RBFOX3: variants seen among roughly 807,000 people sequenced by gnomAD.
RBFOX3 encodes the protein RNA binding fox-1 homolog 3, also known as RNA binding protein fox-1 homolog 3.
In RBFOX3, 17 loss-of-function variants were observed where a neutral mutation model predicts 48.7. The observed-to-expected ratio is 0.35, with a 90% CI of 0.24 to 0.52. RBFOX3 has a LOEUF of 0.52. RBFOX3 is among the 20% of genes least tolerant of loss of function. The probability of loss-of-function intolerance (pLI) is 0.94; values close to 1 mark genes in which losing one functional copy is unlikely to be tolerated. For synonymous variants in RBFOX3, 212 were observed against 209.5 expected, an observed-to-expected ratio of 1.01 and a Z score of -0.10; for missense variants, 382 against 497.5, an observed-to-expected ratio of 0.77 and a Z score of 2.21.
At chr17:79,659,326 AC>A in the RBFOX3 span, among the ~76,000 whole-genome samples, 1,672 of 152,338 alleles carry the variant, frequency 0.011, 35 homozygotes, top group African/African-American at 0.039. Flanking sequence ...AGGATGATGT[AC>A]CAGAGGGTAT....
chr17:79,250,254 A>G (rs183406710), intron 3 of RBFOX3, among the ~76,000 whole-genome samples: 4 of 152,326 alleles, frequency 2.6e-5, no homozygotes, highest in South Asian at 2.1e-4. Flanking sequence ...TCCATCTGCA[A>G]CTAACCCACA....
At chr17:79,264,761 T>G (rs1194385476) in intron 3 of RBFOX3, among the ~76,000 whole-genome samples, 1 of 152,162 alleles carries the variant, frequency 6.6e-6, no homozygotes, top group Non-Finnish European at 1.5e-5. Context: ...CTGTGATTGG[T>G]GGGTCCTGTG....
At position 79,103,317 on chromosome 17, in the gene RBFOX3, G is replaced by A. The variant is rs1452035364; in HGVS notation, c.415-63C>T. ...GAGGACACAGGGCGAGAAAGAGGAG[G>A]AAGACGAGGAAGAAGAGGAGTGGGA... On this transcript the variant is annotated intron_variant, in intron 7 of 14. Transcript: ENST00000693108. The surrounding 1 kb of genome is among the most constrained non-coding windows in gnomAD (Gnocchi z 6.1). The A allele has an allele frequency of 1.8e-6, 2 of 1,089,718 alleles. No individual in the cohort carries two copies. Among genetic ancestry groups the A allele is most frequent in the African/African-American group, 1.6e-5 (1 of 63,726 alleles). 67.5% of individuals were successfully genotyped at this position (1,089,718 alleles called of 1,614,324 possible).
chr17:79,394,701 C>A (rs1274248341), intron 2 of RBFOX3, among the ~76,000 whole-genome samples: 4 of 152,250 alleles, frequency 2.6e-5, no homozygotes, highest in Non-Finnish European at 4.4e-5. Flanking sequence ...TTATCCAAGT[C>A]TCTTTGCACA....
chr17:79,463,698 T>TC (rs1568296425), intron 2 of RBFOX3, among the ~76,000 whole-genome samples: 2 of 111,838 alleles, frequency 1.8e-5, no homozygotes, highest in East Asian at 3.1e-4. Context: ...GCCACTGCCA[T>TC]CACCACTGCC....
At chr17:79,328,152 C>T (rs1158559332) in intron 2 of RBFOX3, among the ~76,000 whole-genome samples, 3 of 152,194 alleles carry the variant, frequency 2.0e-5, no homozygotes, top group Non-Finnish European at 4.4e-5. Flanking sequence ...GGTGCAAACA[C>T]GGGCAGGACT....
At chr17:79,257,496 T>G (rs374014919) in intron 3 of RBFOX3, among the ~76,000 whole-genome samples, 86 of 152,334 alleles carry the variant, frequency 5.6e-4, no homozygotes, top group African/African-American at 2.0e-3. Context: ...ACCAGGAAGC[T>G]GCTCACCTAC....
intron 3 of RBFOX3, among the ~76,000 whole-genome samples, chr17:79,276,354 G>A (rs1055220347): frequency 6.6e-6 from 1 of 152,204 alleles, no homozygotes; most frequent in African/African-American, 2.4e-5. Context: ...TGAATGGCTT[G>A]TGAATTGTTA....
In RBFOX3 at chr17:79,170,381, G is replaced by T. The variant is rs777554505; in HGVS notation, c.-33-54633C>A. On this transcript the variant is annotated intron_variant, in intron 4 of 14. Transcript: ENST00000693108. ...TGGACCTGAGAGTCCCCTGCCAGGGGCCTGCAGCCCAGCCTGGAGCCTGAG... is the reference window on the plus strand; with the variant it reads ...TGGACCTGAGAGTCCCCTGCCAGGGTCCTGCAGCCCAGCCTGGAGCCTGAG... Among the ~76,000 whole-genome samples, 3 of 152,144 alleles carry T rather than the reference G, an allele frequency of 2.0e-5. No individual in the cohort carries two copies. In the East Asian group the frequency reaches 5.8e-4, roughly 29 times the overall value.
intron 1 of RBFOX3, among the ~76,000 whole-genome samples, chr17:79,585,251 A>G (rs2093210737): frequency 6.6e-6 from 1 of 152,174 alleles, no homozygotes; most frequent in Non-Finnish European, 1.5e-5. Flanking sequence ...GAATAAAAAA[A>G]TTAAACAATT....
rs1287634035 is a variant in RBFOX3 at position 79,468,560 on chromosome 17, A to G, written c.-175+13894T>C. ...AGCAGATAGGCAGGCAGGCAGGCAG[A>G]CAGACAGGAGGATGGATGAATGAAT... On this transcript the variant is annotated intron_variant, in intron 2 of 14. Coordinates refer to ENST00000693108, the MANE Select transcript of RBFOX3 (RefSeq NM_001350451.2). 2.7e-5 allele frequency among the ~76,000 whole-genome samples: 4 copies of G among 150,748 alleles called. No individual in the cohort carries two copies. In the South Asian group the frequency reaches 6.3e-4, roughly 24 times the overall value.
chr17:79,341,808 T>C (rs8073602), intron 2 of RBFOX3, among the ~76,000 whole-genome samples: 91,961 of 152,130 alleles, frequency 0.6, 27,811 homozygotes, highest in Middle Eastern at 0.66. Flanking sequence ...TCATAAACCA[T>C]GTGCCCCTGC....
At chr17:79,601,126 C>G (rs1156316010) in intron 1 of RBFOX3, 1 of 152,286 alleles carries the variant, frequency 6.6e-6, no homozygotes, top group Non-Finnish European at 1.5e-5. Flanking sequence ...GCTGGGGCGT[C>G]TACACACCTC....
rs143746993 is a variant in RBFOX3, at chr17:79,137,056, C to T, written c.-33-21308G>A. 1.3e-3 allele frequency among the ~76,000 whole-genome samples: 205 copies of T among 152,268 alleles called. 1 individual carries two copies. Among genetic ancestry groups the T allele is most frequent in the Admixed American group, 4.7e-3 (72 of 15,308 alleles). On this transcript the variant is annotated intron_variant, in intron 4 of 14. Coordinates refer to ENST00000693108, the MANE Select transcript of RBFOX3 (RefSeq NM_001350451.2). ...ACTCCCAGAGGTCCAGGCCCTCCTC[C>T]GGCTCGAGATCTTCCCTTCACCAGA...
intron 2 of RBFOX3, among the ~76,000 whole-genome samples, chr17:79,461,607 C>T (rs2075378903): frequency 6.6e-6 from 1 of 152,228 alleles, no homozygotes; most frequent in Non-Finnish European, 1.5e-5. Context: ...GTGAGCATCA[C>T]TTACTGCAGT....
chr17:79,463,207 T>G, intron 2 of RBFOX3, among the ~76,000 whole-genome samples: 1 of 66,246 alleles, frequency 1.5e-5, no homozygotes, highest in Admixed American at 1.6e-4. Flanking sequence ...CCATCGCCAC[T>G]GCCACCTCCA....
At chr17:79,122,788 T>C (rs2036110809) in intron 4 of RBFOX3, among the ~76,000 whole-genome samples, 1 of 152,112 alleles carries the variant, frequency 6.6e-6, no homozygotes, top group African/African-American at 2.4e-5. Flanking sequence ...ATAGCTAAGA[T>C]TTGGAAGCAA....
At chr17:79,620,188 CACATGCACACACGT>C in the RBFOX3 span, among the ~76,000 whole-genome samples, 1 of 148,962 alleles carries the variant, frequency 6.7e-6, no homozygotes, top group South Asian at 2.1e-4. Flanking sequence ...CACACATGTG[CACATGCACACACGT>C]GCACATGCAC....
At chr17:79,173,915 T>TGGGGGTG (rs1171079315) in intron 4 of RBFOX3, among the ~76,000 whole-genome samples, 1 of 129,004 alleles carries the variant, frequency 7.8e-6, no homozygotes, top group Admixed American at 7.8e-5. Flanking sequence ...GGAGCCCTGC[T>TGGGGGTG]GGGGGTGGGG....
Sources: allele counts gnomAD v4.1 joint callset (sites outside exome capture counted in the v4.1 genomes callset), GRCh38; gene constraint gnomAD v4.1.1; non-coding constraint Gnocchi (gnomAD v3.1); transcripts MANE v1.5; gene names NCBI Gene and HGNC (gene_info 2026-07-23, HGNC 2026-07-21).